Variants in RPS4X observed in about 807,000 individuals in gnomAD.
The protein encoded by RPS4X is ribosomal protein S4 X-linked.
For synonymous variants in RPS4X, 76 were observed against 76.8 expected (o/e 0.99, Z 0.06); for missense variants, 90 against 219.1 (o/e 0.41, Z 3.72).
At chrX:72,275,822 C>T in intron 2 of RPS4X, 98 bp from the exon 3 acceptor site, 1 of 692,484 alleles carries the variant, frequency 1.4e-6, no homozygotes, top group Non-Finnish European at 2.2e-6. Context: ...CCAAGACCGT[C>T]CATATTACAC....
chrX:72,275,208 G>T (rs2043197672), intron 3 of RPS4X, 58 bp from the exon 4 acceptor site: 1 of 784,992 alleles, frequency 1.3e-6, no homozygotes, highest in African/African-American at 2.0e-5. Flanking sequence ...CTCATGCCGA[G>T]CAACAACCAT....
At chrX:72,276,132 G>A (rs368996440) in intron 2 of RPS4X, 25 bp downstream of exon 2, 11 of 1,165,761 alleles carry the variant, frequency 9.4e-6, no homozygotes, top group Middle Eastern at 2.4e-4. Flanking sequence ...CAGTGGCCAC[G>A]GAAATATTTA....
intron 2 of RPS4X, 42 bp from the exon 3 acceptor site, chrX:72,275,766 A>C: frequency 9.2e-7 from 1 of 1,085,651 alleles, no homozygotes; most frequent in Non-Finnish European, 1.2e-6. Context: ...GATTCACTAA[A>C]GCACTCAAAC....
rs1179468202 is a variant in RPS4X, at chrX:72,276,231, G to A, written c.7C>T (p.Arg3Cys). The change falls in exon 2 of 7, where the codon CGT becomes TGT. Residue 3 changes from arginine (R) to cysteine (C), a missense_variant. Coordinates refer to ENST00000316084, the MANE Select transcript of RPS4X (RefSeq NM_001007.5). Reference protein sequence around the residue: MARGPKKHLKRVA... With the variant: MACGPKKHLKRVA... ...CGCTTCAGATGCTTCTTGGGACCACGAGCCTGAAAGTTTTAGATTGCAATG... is the reference window on the plus strand; with the variant it reads ...CGCTTCAGATGCTTCTTGGGACCACAAGCCTGAAAGTTTTAGATTGCAATG... 1.7e-6 allele frequency: 2 copies of A among 1,204,522 alleles called. No individual in the cohort carries two copies. The highest frequency in any genetic ancestry group is 2.2e-6 in the Non-Finnish European group (2 of 890,904).
chrX:72,276,101 G>A lies in RPS4X; in HGVS notation c.81+56C>T, dbSNP rs2043202130. On this transcript the variant is annotated intron_variant, in intron 2 of 6. Coordinates refer to ENST00000316084, the MANE Select transcript of RPS4X (RefSeq NM_001007.5). ...CTCCCCTAGCCTGGTCCCCAAATGA[G>A]TCCTGGGAGACACTTAAAAACAGTG... is the stretch of plus-strand genomic sequence containing the variant. 3 of 1,007,296 alleles carry A rather than the reference G, an allele frequency of 3.0e-6. No homozygotes were observed. In the Admixed American group the frequency reaches 6.7e-5, roughly 23 times the overall value. 83.0% of individuals were successfully genotyped at this position (1,007,296 alleles called of 1,213,427 possible).
At chrX:72,277,171 G>C in intron 1 of RPS4X, 22 bp downstream of exon 1, 1 of 1,210,306 alleles carries the variant, frequency 8.3e-7, no homozygotes, top group Non-Finnish European at 1.1e-6. Flanking sequence ...CGTCCTAAGA[G>C]CTCGCTAACT....
intron 3 of RPS4X, 143 bp downstream of exon 3, chrX:72,275,397 TTTTA>T (rs2043198543): frequency 3.9e-6 from 2 of 512,142 alleles, no homozygotes; most frequent in Non-Finnish European, 6.4e-6. Flanking sequence ...TTTGCATGTT[TTTTA>T]TTTAAGTAAA....
intron 3 of RPS4X, 30 bp from the exon 4 acceptor site, chrX:72,275,180 TAC>T (rs751550553): frequency 1.8e-4 from 183 of 1,002,522 alleles, no homozygotes; most frequent in Non-Finnish European, 2.4e-4. Context: ...GGTTACTACA[TAC>T]AGTGATCCCC....
In RPS4X at chrX:72,276,247, G is replaced by A. The variant is rs746390447; in HGVS notation, c.4-13C>T. On this transcript the variant is annotated splice_polypyrimidine_tract_variant and intron_variant, in intron 1 of 6. Coordinates refer to ENST00000316084, the MANE Select transcript of RPS4X (RefSeq NM_001007.5). ...TGGGACCACGAGCCTGAAAGTTTTA[G>A]ATTGCAATGCTGTTAATCAGGTTTC... 1.1e-5 allele frequency: 13 copies of A among 1,185,917 alleles called. No homozygotes were observed. Among genetic ancestry groups the A allele is most frequent in the Non-Finnish European group, 1.5e-5 (13 of 873,033 alleles).
At chrX:72,274,461 C>T (rs1441547595) in intron 4 of RPS4X, 1 of 343,336 alleles carries the variant, frequency 2.9e-6, no homozygotes, top group Non-Finnish European at 5.8e-6. Flanking sequence ...TTAGGAGCCA[C>T]ATCAGTCAAT....
chrX:72,272,351 T>G lies in RPS4X; in HGVS notation c.*320A>C. 2 of 198,528 alleles carry G rather than the reference T, an allele frequency of 1.0e-5. No homozygotes were observed. The highest frequency in any genetic ancestry group is 1.8e-5 in the Non-Finnish European group (2 of 108,799). The allele number at this position is 198,528 out of a possible 1,213,427, so 16.4% of individuals were successfully genotyped here. Reference sequence around the variant, plus strand: ...AAGGGAACTTAACAGGGCAGAGGGGTCCACTGTGTAGAGAAGTTCTTGGCC... The same window carrying G: ...AAGGGAACTTAACAGGGCAGAGGGGGCCACTGTGTAGAGAAGTTCTTGGCC... On this transcript the variant is annotated 3_prime_UTR_variant, in exon 7 of 7. Transcript: ENST00000316084.
chrX:72,276,424 G>A (rs192685291), intron 1 of RPS4X, among the ~76,000 whole-genome samples, 190 bp from the exon 2 acceptor site: 2 of 112,360 alleles, frequency 1.8e-5, no homozygotes, highest in African/African-American at 6.5e-5. Context: ...GCTGCAACAA[G>A]CCTTCTTATT....
chrX:72,274,381 AATC>A (rs2043193331), intron 4 of RPS4X: 1 of 341,328 alleles, frequency 2.9e-6, no homozygotes, highest in African/African-American at 2.6e-5. Context: ...CCTTGAAGTA[AATC>A]AAATAATCAC....
intron 6 of RPS4X, 53 bp downstream of exon 6, chrX:72,273,179 C>T: frequency 9.0e-7 from 1 of 1,113,713 alleles, no homozygotes; most frequent in Non-Finnish European, 1.2e-6. Context: ...TCCCAGCAGC[C>T]ACCTGCATTT....
rs746308662 is a variant in RPS4X at position 72,273,401 on chromosome X, G to T, written c.533-12C>A. The T allele has an allele frequency of 8.5e-7, 1 of 1,177,271 alleles. No homozygotes were observed. Among genetic ancestry groups the T allele is most frequent in the South Asian group, 1.9e-5 (1 of 51,821 alleles). Reference sequence around the variant, plus strand: ...CATACACAGGTTACCTAGGCAGGAAGAAATAATCTGCTTCAACTCAATATA... The same window carrying T: ...CATACACAGGTTACCTAGGCAGGAATAAATAATCTGCTTCAACTCAATATA... On this transcript the variant is annotated splice_polypyrimidine_tract_variant and intron_variant, in intron 5 of 6. Transcript: ENST00000316084.
chrX:72,275,656 G>A lies in RPS4X; in HGVS notation c.150C>T (p.Asn50=). Residue 50 remains asparagine (N), a synonymous_variant, in exon 3 of 7, where the codon AAC becomes AAT. Coordinates refer to ENST00000316084, the MANE Select transcript of RPS4X (RefSeq NM_001007.5). ...CTCCTGTCAGGGCATACTTAAGTCTGTTCCTCAGGAAAATGATGAGGGGGA... is the reference window on the plus strand; with the variant it reads ...CTCCTGTCAGGGCATACTTAAGTCTATTCCTCAGGAAAATGATGAGGGGGA... ...ECLPLIIFLR[N]RLKYALTGDE... 8.3e-7 allele frequency: 1 copy of A among 1,208,606 alleles called. No homozygotes were observed. Among genetic ancestry groups the A allele is most frequent in the Non-Finnish European group, 1.1e-6 (1 of 892,871 alleles).
chrX:72,276,378 AAC>A (rs775480772), intron 1 of RPS4X, 144 bp from the exon 2 acceptor site: 232 of 453,995 alleles, frequency 5.1e-4, no homozygotes, highest in South Asian at 4.8e-3. Context: ...AACAGAAACA[AAC>A]ACAGTTATTT....
intron 2 of RPS4X, 82 bp from the exon 3 acceptor site, chrX:72,275,806 T>C: frequency 4.7e-6 from 4 of 846,056 alleles, no homozygotes; most frequent in Non-Finnish European, 6.8e-6. Flanking sequence ...ATCCACTAAC[T>C]GAACACCAAG....
intron 2 of RPS4X, among the ~76,000 whole-genome samples, 169 bp from the exon 3 acceptor site, chrX:72,275,893 G>A (rs779910263): frequency 9.0e-5 from 10 of 111,661 alleles, no homozygotes; most frequent in Non-Finnish European, 1.9e-4. Flanking sequence ...ATACCTTAAA[G>A]TTTTATAGCA....
Sources: gnomAD v4.1 joint callset for allele counts (sites outside exome capture counted in the v4.1 genomes callset) on GRCh38, gnomAD v4.1.1 for gene constraint, MANE v1.5 for transcripts, NCBI Gene and HGNC (gene_info 2026-07-23, HGNC 2026-07-21) for gene names.